PPP1R9A: variants seen among roughly 807,000 people sequenced by gnomAD.
PPP1R9A encodes the protein protein phosphatase 1 regulatory subunit 9A, also known as neurabin-1.
A neutral mutation model predicts 141.9 loss-of-function variants in PPP1R9A; 59 were observed. The ratio of observed to expected loss-of-function variants is 0.42; its 90% CI spans 0.34 to 0.52. The LOEUF (loss-of-function observed/expected upper bound fraction) is 0.52. PPP1R9A is among the 20% of genes least tolerant of loss of function. The pLI is 0.10. For synonymous variants in PPP1R9A, 500 were observed against 569.7 expected (o/e 0.88, Z 1.74); for missense variants, 1,444 against 1,611.9 (o/e 0.90, Z 1.78).
chr7:95,153,989 G>C (rs1339087979), intron 4 of PPP1R9A, among the ~76,000 whole-genome samples: 2 of 152,078 alleles, frequency 1.3e-5, no homozygotes, highest in East Asian at 3.9e-4. Flanking sequence ...TGTAATGTCT[G>C]TTTTCTGTTT....
chr7:94,972,191 C>G (rs936191532), intron 2 of PPP1R9A, among the ~76,000 whole-genome samples: 1 of 152,086 alleles, frequency 6.6e-6, no homozygotes, highest in Non-Finnish European at 1.5e-5. Flanking sequence ...TTGTACTGTA[C>G]TTATTACTGG....
intron 2 of PPP1R9A, among the ~76,000 whole-genome samples, chr7:95,070,506 T>C (rs1288642907): frequency 1.3e-5 from 2 of 151,310 alleles, no homozygotes; most frequent in Non-Finnish European, 3.0e-5. Flanking sequence ...TTTTTTTGTT[T>C]GTTTTCTATT....
intron 2 of PPP1R9A, among the ~76,000 whole-genome samples, chr7:94,967,591 G>C (rs540748509): frequency 6.6e-6 from 1 of 152,052 alleles, no homozygotes; most frequent in African/African-American, 2.4e-5. Flanking sequence ...AGTCATTCAG[G>C]AGCAGGTTGT....
Position 94,991,072 on chromosome 7 carries a change from A to G in PPP1R9A, c.1395+79564A>G, listed in dbSNP as rs112452827. The stretch of plus-strand genomic sequence containing the variant: ...TTTCCTTTGGAAAAATGCCCCAGCA[A>G]TGGTAGTTCTATTTGTAGTTTTTTG... On this transcript the variant is annotated intron_variant, in intron 2 of 19. Transcript: ENST00000433360. Among the ~76,000 whole-genome samples the G allele has an allele frequency of 9.6e-4, 146 of 152,274 alleles. 1 individual carries two copies. The highest frequency in any genetic ancestry group is 3.4e-3 in the African/African-American group (140 of 41,566).
chr7:94,995,715 G>A (rs1802087526), intron 2 of PPP1R9A, among the ~76,000 whole-genome samples: 3 of 151,886 alleles, frequency 2.0e-5, no homozygotes, highest in East Asian at 1.9e-4. Flanking sequence ...TATAATGATG[G>A]TTTTATGTCC....
intron 4 of PPP1R9A, among the ~76,000 whole-genome samples, chr7:95,151,977 G>A (rs1250475692): frequency 1.5e-5 from 1 of 66,338 alleles, no homozygotes; most frequent in Non-Finnish European, 2.6e-5. Flanking sequence ...TTTTGAGACT[G>A]TGTCTCACTC....
At chr7:94,915,847 T>C (rs914285864) in intron 2 of PPP1R9A, among the ~76,000 whole-genome samples, 1 of 152,216 alleles carries the variant, frequency 6.6e-6, no homozygotes, top group Non-Finnish European at 1.5e-5. Context: ...GTTGAAGAGA[T>C]GTGACAAATA....
chr7:95,189,482 G>T (rs1387826588), intron 5 of PPP1R9A, among the ~76,000 whole-genome samples: 1 of 141,898 alleles, frequency 7.0e-6, no homozygotes, highest in African/African-American at 2.7e-5. Context: ...TGTCGCCCAG[G>T]CTGGAGTGCA....
intron 2 of PPP1R9A, among the ~76,000 whole-genome samples, chr7:95,053,146 A>G (rs1811043828): frequency 6.6e-6 from 1 of 152,206 alleles, no homozygotes; most frequent in Non-Finnish European, 1.5e-5. Context: ...GGGAAGTTTC[A>G]TTAAAATGTT....
chr7:95,046,000 C>T (rs1200598897), intron 2 of PPP1R9A, among the ~76,000 whole-genome samples: 1 of 151,712 alleles, frequency 6.6e-6, no homozygotes, highest in Non-Finnish European at 1.5e-5. Flanking sequence ...TGTTGAGTAT[C>T]ATTAAGATTA....
At chr7:95,063,905 G>A (rs527420809) in intron 2 of PPP1R9A, among the ~76,000 whole-genome samples, 3 of 152,182 alleles carry the variant, frequency 2.0e-5, no homozygotes, top group South Asian at 2.1e-4. Context: ...TTGAAATTAT[G>A]TGTGGGGGCA....
At chr7:94,922,248 C>A (rs1422236065) in intron 2 of PPP1R9A, among the ~76,000 whole-genome samples, 1 of 151,870 alleles carries the variant, frequency 6.6e-6, no homozygotes, top group Non-Finnish European at 1.5e-5. Context: ...ATAATCAGCA[C>A]TGCATTGGAA....
intron 2 of PPP1R9A, among the ~76,000 whole-genome samples, chr7:95,028,709 T>A (rs1000020099): frequency 6.6e-6 from 1 of 152,238 alleles, no homozygotes; most frequent in East Asian, 1.9e-4. Context: ...TACTCTATTA[T>A]GCTTGTTACG....
chr7:94,910,043 G>A lies in PPP1R9A; in HGVS notation c.-71G>A. On this transcript the variant is annotated 5_prime_UTR_variant, in exon 2 of 20. Coordinates refer to ENST00000433360, the MANE Select transcript of PPP1R9A (RefSeq NM_001166160.2). The surrounding 1 kb of genome is among the most constrained non-coding windows in gnomAD (Gnocchi z 4.5). Reference sequence around the variant, plus strand: ...TGACCCAATACTGGTGATTAGAGAAGAGAGGTATCTTGGTTTTTGGTTTTT... The same window carrying A: ...TGACCCAATACTGGTGATTAGAGAAAAGAGGTATCTTGGTTTTTGGTTTTT... 4 of 1,329,222 alleles carry A rather than the reference G, an allele frequency of 3.0e-6. No homozygotes were observed. The highest frequency in any genetic ancestry group is 4.2e-6 in the Non-Finnish European group (4 of 960,024). 82.3% of individuals were successfully genotyped at this position (1,329,222 alleles called of 1,614,324 possible).
chr7:94,939,105 G>A (rs1391619145), intron 2 of PPP1R9A, among the ~76,000 whole-genome samples: 1 of 152,118 alleles, frequency 6.6e-6, no homozygotes, highest in Non-Finnish European at 1.5e-5. Context: ...AAGGATGATG[G>A]ATTTGGAACA....
intron 2 of PPP1R9A, among the ~76,000 whole-genome samples, chr7:95,087,053 A>G (rs1816723440): frequency 1.4e-5 from 2 of 147,094 alleles, no homozygotes; most frequent in Non-Finnish European, 2.9e-5. Flanking sequence ...TGGATTTTCT[A>G]AAAAAAAGAA....
At chr7:95,237,187 T>A (rs1305405902) in intron 8 of PPP1R9A, among the ~76,000 whole-genome samples, 1 of 147,818 alleles carries the variant, frequency 6.8e-6, no homozygotes, top group East Asian at 2.0e-4. Context: ...ATATTTTTTT[T>A]TTTTTATGGT....
At chr7:95,189,780 G>T (rs962651293) in intron 5 of PPP1R9A, among the ~76,000 whole-genome samples, 1 of 152,078 alleles carries the variant, frequency 6.6e-6, no homozygotes, top group Non-Finnish European at 1.5e-5. Flanking sequence ...TTCTGATTGG[G>T]TTAAAGACCT....
intron 2 of PPP1R9A, among the ~76,000 whole-genome samples, chr7:95,063,281 G>C (rs1056830499): frequency 1.3e-5 from 2 of 152,136 alleles, no homozygotes; most frequent in African/African-American, 4.8e-5. Flanking sequence ...GGTACATTTG[G>C]TGGAGGGAAT....
Sources: allele counts gnomAD v4.1 joint callset (sites outside exome capture counted in the v4.1 genomes callset), GRCh38; gene constraint gnomAD v4.1.1; non-coding constraint Gnocchi (gnomAD v3.1); transcripts MANE v1.5; gene names NCBI Gene and HGNC (gene_info 2026-07-23, HGNC 2026-07-21).